Variants in GLG1 observed in about 807,000 individuals in gnomAD.
The protein encoded by GLG1 is Golgi apparatus protein 1.
In GLG1, 38 loss-of-function variants were observed where a neutral mutation model predicts 160.5. That is an observed-to-expected ratio of 0.24 (90% CI 0.18 to 0.31). The LOEUF (loss-of-function observed/expected upper bound fraction) is 0.31. GLG1 is among the 10% of genes least tolerant of loss of function. GLG1 has a pLI of 1.00. For missense variants in GLG1, 1,373 were observed against 1,505.2 expected (o/e 0.91, Z 1.45); for synonymous variants, 644 against 543.4 (o/e 1.19, Z -2.57).
chr16:74,492,095 AT>A (rs2016016984), intron 7 of GLG1, among the ~76,000 whole-genome samples: 1 of 151,482 alleles, frequency 6.6e-6, no homozygotes, highest in African/African-American at 2.4e-5. Context: ...TATTTCAAAA[AT>A]GAAAACTAGG....
intron 2 of GLG1, among the ~76,000 whole-genome samples, chr16:74,518,675 A>C (rs1416844335): frequency 6.6e-6 from 1 of 152,234 alleles, no homozygotes; most frequent in East Asian, 1.9e-4. Flanking sequence ...AGCAATGGCA[A>C]CAAAAACCAA....
intron 18 of GLG1, 81 bp from the exon 19 acceptor site, chr16:74,465,894 A>G (rs1180621403): frequency 8.7e-7 from 1 of 1,152,480 alleles, no homozygotes; most frequent in Non-Finnish European, 1.3e-6. Flanking sequence ...ATTCAGCTCC[A>G]CTGTGCCTCC....
intron 2 of GLG1, among the ~76,000 whole-genome samples, chr16:74,524,362 A>C (rs989957496): frequency 6.6e-6 from 1 of 152,198 alleles, no homozygotes; most frequent in African/African-American, 2.4e-5. Context: ...AAAGCTGTTA[A>C]TATTTCACCA....
chr16:74,573,581 CTTTTT>C (rs34868210), intron 1 of GLG1, among the ~76,000 whole-genome samples: 37 of 102,664 alleles, frequency 3.6e-4, no homozygotes, highest in Admixed American at 1.2e-3. Context: ...TTTATCTTGC[CTTTTT>C]TTTTTTTTTT....
At position 74,452,657 on chromosome 16, in the gene GLG1, A is replaced by G. The variant is rs1490410323; in HGVS notation, c.*510T>C. ...GCCCCAAGGTGCTTCTGAGAGATGAACGAGACACCTCAGTCATGGCACACT... is the reference window on the plus strand; with the variant it reads ...GCCCCAAGGTGCTTCTGAGAGATGAGCGAGACACCTCAGTCATGGCACACT... On this transcript the variant is annotated 3_prime_UTR_variant, in exon 26 of 26. Coordinates refer to ENST00000422840, the MANE Select transcript of GLG1 (RefSeq NM_001145667.2). 1.0e-6 allele frequency: 1 copy of G among 996,392 alleles called. No homozygotes were observed. The highest frequency in any genetic ancestry group is 1.1e-4 in the East Asian group (1 of 9,504). 61.7% of individuals were successfully genotyped at this position (996,392 alleles called of 1,614,324 possible).
intron 1 of GLG1, among the ~76,000 whole-genome samples, chr16:74,577,844 T>C (rs1213995754): frequency 6.6e-6 from 1 of 151,896 alleles, no homozygotes; most frequent in African/African-American, 2.4e-5. Context: ...CTCAAATTCC[T>C]GAGCTCAAGT....
intron 12 of GLG1, 80 bp downstream of exon 12, chr16:74,477,316 A>T: frequency 4.9e-6 from 5 of 1,015,520 alleles, no homozygotes; most frequent in Non-Finnish European, 7.8e-6. Context: ...GATGGATTTT[A>T]TGGTGTTTGT....
rs578030491 is a variant in GLG1, at chr16:74,454,822, G to A, written c.3373-1488C>T. 6.6e-5 allele frequency among the ~76,000 whole-genome samples: 10 copies of A among 151,016 alleles called. No individual in the cohort carries two copies. In the South Asian group the frequency reaches 2.1e-3, roughly 32 times the overall value. ...GCTGGGATTATAGGTGTGAGCCACT[G>A]CACCCAGCCTGTATTTTGACTTTTT... On this transcript the variant is annotated intron_variant, in intron 25 of 25. Transcript: ENST00000422840.
chr16:74,454,909 C>A (rs1442275569), intron 25 of GLG1, among the ~76,000 whole-genome samples: 1 of 151,578 alleles, frequency 6.6e-6, no homozygotes, highest in South Asian at 2.1e-4. Flanking sequence ...CCGAGACCAG[C>A]CTGGACAACA....
chr16:74,592,143 C>T (rs184340134), intron 1 of GLG1, among the ~76,000 whole-genome samples: 2 of 152,180 alleles, frequency 1.3e-5, no homozygotes, highest in East Asian at 3.9e-4. Flanking sequence ...AATTTATTCA[C>T]TGATTGATTG....
In GLG1 at chr16:74,504,049, A is replaced by G. The variant is rs560800114; in HGVS notation, c.559-303T>C. Among the ~76,000 whole-genome samples the G allele has an allele frequency of 4.6e-5, 7 of 152,330 alleles. No individual in the cohort carries two copies. In the East Asian group the frequency reaches 7.7e-4, roughly 17 times the overall value. ...TAATGCTCACTTCTAAATGCAGTGA[A>G]AAGAGCTGTTAACATCTACAGCTTT... On this transcript the variant is annotated intron_variant, in intron 3 of 25. Transcript: ENST00000422840.
At chr16:74,511,338 T>A (rs2016796605) in intron 2 of GLG1, among the ~76,000 whole-genome samples, 1 of 152,078 alleles carries the variant, frequency 6.6e-6, no homozygotes, top group South Asian at 2.1e-4. Flanking sequence ...AAAGCTCTCA[T>A]CTCTCGGCTA....
In GLG1 at chr16:74,452,642, G is replaced by A. The variant is rs76006424; in HGVS notation, c.*525C>T. The stretch of plus-strand genomic sequence containing the variant: ...CACGGCCCTGGCGAGGCCCCAAGGT[G>A]CTTCTGAGAGATGAACGAGACACCT... On this transcript the variant is annotated 3_prime_UTR_variant, in exon 26 of 26. Coordinates refer to ENST00000422840, the MANE Select transcript of GLG1 (RefSeq NM_001145667.2). The A allele has an allele frequency of 1.1e-3, 1,059 of 997,952 alleles. 3 individuals carry two copies. The highest frequency in any genetic ancestry group is 9.5e-3 in the African/African-American group (549 of 57,682). The allele number at this position is 997,952 out of a possible 1,614,324, so 61.8% of individuals were successfully genotyped here.
chr16:74,582,664 C>T (rs1051974678), intron 1 of GLG1, among the ~76,000 whole-genome samples: 1 of 151,454 alleles, frequency 6.6e-6, no homozygotes, highest in African/African-American at 2.4e-5. Context: ...ACTAAAAATA[C>T]AAAAATTAGC....
chr16:74,605,798 G>A (rs1416741514), intron 1 of GLG1, among the ~76,000 whole-genome samples: 1 of 151,866 alleles, frequency 6.6e-6, no homozygotes, highest in Non-Finnish European at 1.5e-5. Flanking sequence ...TCCACCTTTA[G>A]GGCTAATTTT....
intron 5 of GLG1, 44 bp downstream of exon 5, chr16:74,496,397 G>T: frequency 7.7e-7 from 1 of 1,302,654 alleles, no homozygotes; most frequent in Non-Finnish European, 1.1e-6. Flanking sequence ...TTATATATGT[G>T]TAAAAATAAA....
rs1426498333 is a variant in GLG1 at position 74,462,650 on chromosome 16, G to A, written c.2792-20C>T. The A allele has an allele frequency of 1.2e-6, 2 of 1,612,972 alleles. No individual in the cohort carries two copies. The highest frequency in any genetic ancestry group is 1.1e-5 in the South Asian group (1 of 91,024). ...GGTAATCTAGAGTAGAAAGCAGTGA[G>A]CATGTGACAAAACATTCCACCTGAT... is the stretch of plus-strand genomic sequence containing the variant. On this transcript the variant is annotated intron_variant, in intron 20 of 25. Transcript: ENST00000422840.
intron 2 of GLG1, among the ~76,000 whole-genome samples, chr16:74,517,752 G>A (rs577199985): frequency 2.3e-4 from 35 of 152,318 alleles, no homozygotes; most frequent in African/African-American, 8.4e-4. Flanking sequence ...AAGAGAAGAA[G>A]TCAAATTGTC....
rs549648292 is a variant in GLG1, at chr16:74,467,884, G to C, written c.2437-36C>G. 5 of 1,386,148 alleles carry C rather than the reference G, an allele frequency of 3.6e-6. No homozygotes were observed. In the African/African-American group the frequency reaches 7.1e-5, roughly 20 times the overall value. 85.9% of individuals were successfully genotyped at this position (1,386,148 alleles called of 1,614,324 possible). ...GAGCCAGCATGGAAAGGTGAGCTTG[G>C]TTTAGGCTGGAGATGTCATATGTTC... is the stretch of plus-strand genomic sequence containing the variant. On this transcript the variant is annotated intron_variant, in intron 17 of 25. Transcript: ENST00000422840.
Sources: allele counts gnomAD v4.1 joint callset (sites outside exome capture counted in the v4.1 genomes callset), GRCh38; gene constraint gnomAD v4.1.1; transcripts MANE v1.5; gene names NCBI Gene and HGNC (gene_info 2026-07-23, HGNC 2026-07-21).